Variants in SEC16B observed in about 807,000 individuals in gnomAD.
SEC16B encodes protein transport protein Sec16B.
SEC16B carries 115 observed loss-of-function variants against 141.8 expected under a neutral mutation model. That is an observed-to-expected ratio of 0.81 (90% CI 0.70 to 0.95). The LOEUF (loss-of-function observed/expected upper bound fraction) is 0.95. Among genes scored for constraint, SEC16B ranks in the 40% least tolerant of loss-of-function variants. SEC16B has a pLI of 0.00. For synonymous variants in SEC16B, 493 were observed against 492.5 expected, an observed-to-expected ratio of 1.00 and a Z score of -0.01; for missense variants, 1,291 against 1,312.3, an observed-to-expected ratio of 0.98 and a Z score of 0.25.
chr1:177,963,298 C>G (rs1278185245), intron 5 of SEC16B, among the ~76,000 whole-genome samples: 1 of 151,666 alleles, frequency 6.6e-6, no homozygotes, highest in Non-Finnish European at 1.5e-5. Flanking sequence ...TAATACAAGA[C>G]TTTCAAAATT....
intron 20 of SEC16B, among the ~76,000 whole-genome samples, chr1:177,933,989 T>C (rs72704788): frequency 0.26 from 34,646 of 130,802 alleles, 4,086 homozygotes; most frequent in Admixed American, 0.28. Context: ...GCCCACAAGC[T>C]CCCCCCAAAA....
intron 1 of SEC16B, among the ~76,000 whole-genome samples, chr1:177,975,549 A>G (rs1164774539): frequency 6.6e-6 from 1 of 152,150 alleles, no homozygotes; most frequent in African/African-American, 2.4e-5. Context: ...TACTTTATGA[A>G]AATGAAGTCC....
At chr1:177,975,147 A>G (rs1001311769), upstream of SEC16B, among the ~76,000 whole-genome samples, 2 of 152,182 alleles carry the variant, frequency 1.3e-5, no homozygotes, top group African/African-American at 4.8e-5. Context: ...TTTAACTAAG[A>G]ACGTGTGCTC....
At chr1:177,979,177 TA>T (rs1256940448) in intron 1 of SEC16B, among the ~76,000 whole-genome samples, 1 of 152,238 alleles carries the variant, frequency 6.6e-6, no homozygotes, top group Non-Finnish European at 1.5e-5. Flanking sequence ...AAAATGCAAT[TA>T]TTTAAAATCT....
chr1:177,967,951 G>A lies in SEC16B; in HGVS notation c.31C>T (p.Gln11Ter). Residue 11 changes from glutamine (Q) to a stop codon, truncating the protein, a stop_gained, in exon 2 of 26, where the codon CAG (glutamine) becomes TAG (stop). Transcript: ENST00000308284. LOFTEE classifies it high-confidence loss of function. Reference protein sequence around the residue: MELWAPQRLPQTRGKATAPSK... With the variant: MELWAPQRLP The stretch of plus-strand genomic sequence containing the variant: ...GGTGCTGTGGCCTTCCCTCGTGTCT[G>A]GGGCAGCCTCTGGGGAGCCCAAAGT... 1 of 1,611,884 alleles carries A rather than the reference G, an allele frequency of 6.2e-7. No homozygotes were observed. Among genetic ancestry groups the A allele is most frequent in the Non-Finnish European group, 8.5e-7 (1 of 1,178,180 alleles).
intron 22 of SEC16B, 131 bp from the exon 23 acceptor site, chr1:177,932,937 C>A (rs1031846390): frequency 3.7e-6 from 3 of 819,902 alleles, no homozygotes; most frequent in Non-Finnish European, 4.0e-6. Context: ...CCCAAAACCC[C>A]CCTCCTCATC....
chr1:177,948,555 C>G (rs1457925011), intron 12 of SEC16B: 3 of 1,303,188 alleles, frequency 2.3e-6, no homozygotes, highest in Non-Finnish European at 3.0e-6. Flanking sequence ...CACCAGGGGG[C>G]AAAAAAGAGT....
Position 177,940,637 on chromosome 1 carries a change from C to T in SEC16B, c.2100G>A (p.Trp700Ter). ...RSGDRDLEPD[W>*]LAQLRRQLEQ... ...CCAGCTGCCTCCGAAGTTGCGCTAG[C>T]CAATCTGGCTCCAGGTCCCTGTCTC... Residue 700 changes from tryptophan (W) to a stop codon, truncating the protein, a stop_gained, in exon 17 of 26, where the codon TGG (tryptophan) becomes TGA (stop). Transcript: ENST00000308284. LOFTEE classifies it high-confidence loss of function. The T allele has an allele frequency of 6.2e-7, 1 of 1,613,826 alleles. No homozygotes were observed. The highest frequency in any genetic ancestry group is 1.7e-5 in the Admixed American group (1 of 60,024).
chr1:177,944,534 G>T, intron 15 of SEC16B, 27 bp downstream of exon 15: 2 of 1,570,494 alleles, frequency 1.3e-6, no homozygotes, highest in Middle Eastern at 1.7e-4. Context: ...GACAGTGACG[G>T]TGGTGGCCTC....
At chr1:177,969,196 C>G (rs1653784353) in intron 1 of SEC16B, among the ~76,000 whole-genome samples, 1 of 152,146 alleles carries the variant, frequency 6.6e-6, no homozygotes, top group Non-Finnish European at 1.5e-5. Context: ...TATAAAAATT[C>G]ATATCAGAAC....
At chr1:177,977,865 A>G (rs1482614430) in intron 1 of SEC16B, among the ~76,000 whole-genome samples, 1 of 152,214 alleles carries the variant, frequency 6.6e-6, no homozygotes, top group Non-Finnish European at 1.5e-5. Flanking sequence ...CTATGAGCCC[A>G]TCTTTTAAAT....
intron 15 of SEC16B, 77 bp from the exon 16 acceptor site, chr1:177,942,117 T>A: frequency 4.8e-6 from 7 of 1,449,700 alleles, no homozygotes; most frequent in Non-Finnish European, 6.5e-6. Flanking sequence ...TAAGACTTCT[T>A]GGAAGTCAGC....
intron 12 of SEC16B, among the ~76,000 whole-genome samples, chr1:177,948,896 C>T (rs2101943020): frequency 6.7e-6 from 1 of 150,290 alleles, no homozygotes; most frequent in Admixed American, 6.7e-5. Context: ...TTGGTTTGCA[C>T]TTAATCAATT....
chr1:177,980,600 G>T (rs1355330641), intron 1 of SEC16B, among the ~76,000 whole-genome samples: 2 of 152,092 alleles, frequency 1.3e-5, no homozygotes, highest in Non-Finnish European at 2.9e-5. Flanking sequence ...AAGTGGGCAA[G>T]GTGAACTTGT....
At chr1:177,977,731 C>T (rs1405867858) in intron 1 of SEC16B, among the ~76,000 whole-genome samples, 1 of 152,124 alleles carries the variant, frequency 6.6e-6, no homozygotes, top group Non-Finnish European at 1.5e-5. Flanking sequence ...TAAAAACTGT[C>T]CTTTCCTTCA....
At chr1:177,942,418 C>T (rs1467468848) in intron 15 of SEC16B, among the ~76,000 whole-genome samples, 1 of 152,184 alleles carries the variant, frequency 6.6e-6, no homozygotes, top group Admixed American at 6.5e-5. Flanking sequence ...TGTGCTGGCT[C>T]ATGCCTTGGG....
chr1:177,958,341 C>A lies in SEC16B; in HGVS notation c.1156G>T (p.Ala386Ser). 6.2e-7 allele frequency: 1 copy of A among 1,600,010 alleles called. No homozygotes were observed. The highest frequency in any genetic ancestry group is 8.5e-7 in the Non-Finnish European group (1 of 1,173,304). ...QNGSMVGSDI[A>S]ELLMQDCKKL... ...TTGCAGTCTTGCATTAGCAGCTCAGCGATGTCAGACCCCACCATGGACTGT... is the reference window on the plus strand; with the variant it reads ...TTGCAGTCTTGCATTAGCAGCTCAGAGATGTCAGACCCCACCATGGACTGT... The change falls in exon 10 of 26, where the codon GCT becomes TCT. Residue 386 changes from alanine to serine, a missense_variant. Ala to Ser is a moderately conservative substitution (Grantham distance 99). Around this residue, in one of 3 missense-constraint regions of SEC16B, gnomAD observed 681 missense variants for 675.5 expected, o/e 1.01. Transcript: ENST00000308284.
Position 177,929,744 on chromosome 1 carries a change from G to A in SEC16B, c.*114C>T, listed in dbSNP as rs750092090. ...TCTAAGTGCCCGGTGGAGGCATCGG[G>A]CTAGCACAAACCTCTTGAGGGTCCC... On this transcript the variant is annotated 3_prime_UTR_variant, in exon 26 of 26. Coordinates refer to ENST00000308284, the MANE Select transcript of SEC16B (RefSeq NM_033127.4). 6.1e-6 allele frequency: 7 copies of A among 1,151,874 alleles called. No individual in the cohort carries two copies. The highest frequency in any genetic ancestry group is 8.9e-6 in the Non-Finnish European group (7 of 784,230). The allele number at this position is 1,151,874 out of a possible 1,614,324, so 71.4% of individuals were successfully genotyped here.
intron 20 of SEC16B, among the ~76,000 whole-genome samples, chr1:177,935,320 T>C (rs1389814336): frequency 6.6e-6 from 1 of 152,142 alleles, no homozygotes; most frequent in Admixed American, 6.5e-5. Context: ...ACTCAGTGAA[T>C]ATTTCAAATA....
Sources: allele counts gnomAD v4.1 joint callset (sites outside exome capture counted in the v4.1 genomes callset), GRCh38; gene constraint gnomAD v4.1.1; regional missense constraint gnomAD v4.1.1; transcripts MANE v1.5; gene names NCBI Gene and HGNC (gene_info 2026-07-23, HGNC 2026-07-21).